The following DPYSL3 variants were observed in gnomAD, a reference collection of about 807,000 sequenced individuals.
DPYSL3 encodes dihydropyrimidinase like 3.
A neutral mutation model predicts 66.1 loss-of-function variants in DPYSL3; 16 were observed. That is an observed-to-expected ratio of 0.24 (90% CI 0.16 to 0.37). DPYSL3 has a LOEUF of 0.37. DPYSL3 is among the 10% of genes least tolerant of loss of function. DPYSL3 has a pLI of 1.00. For synonymous variants in DPYSL3, 338 were observed against 345.1 expected, an observed-to-expected ratio of 0.98 and a Z score of 0.23; for missense variants, 738 against 916.2, an observed-to-expected ratio of 0.81 and a Z score of 2.51.
At chr5:147,458,119 G>A (rs529835135) in intron 1 of DPYSL3, among the ~76,000 whole-genome samples, 4 of 152,298 alleles carry the variant, frequency 2.6e-5, no homozygotes, top group African/African-American at 4.8e-5. Flanking sequence ...TAGGAGCTGT[G>A]TAAAATGAGG....
intron 2 of DPYSL3, among the ~76,000 whole-genome samples, chr5:147,419,209 T>C (rs1053566961): frequency 1.3e-5 from 2 of 152,202 alleles, no homozygotes; most frequent in Non-Finnish European, 2.9e-5. Flanking sequence ...TCACAGCTGA[T>C]GGCAGATTCA....
chr5:147,394,257 A>C (rs1757905728), intron 13 of DPYSL3, 134 bp from the exon 14 acceptor site: 11 of 849,744 alleles, frequency 1.3e-5, no homozygotes, highest in Non-Finnish European at 2.0e-5. Context: ...CCTCCCAAGA[A>C]ACTTCCATTC....
intron 1 of DPYSL3, among the ~76,000 whole-genome samples, chr5:147,437,141 C>T (rs914647224): frequency 1.3e-5 from 2 of 152,172 alleles, no homozygotes; most frequent in African/African-American, 4.8e-5. Context: ...AGAGGCTGTG[C>T]CGTTAATGGT....
Position 147,487,561 on chromosome 5 carries a change from C to G in DPYSL3, c.381+21917G>C, listed in dbSNP as rs376875322. On this transcript the variant is annotated intron_variant, in intron 1 of 13. Coordinates refer to ENST00000343218, the MANE Select transcript of DPYSL3 (RefSeq NM_001197294.2). ...AGTTGGCAAACTATTGTCCATGGGT[C>G]AAATCCAACCCACCACCTGTTTTTT... is the stretch of plus-strand genomic sequence containing the variant. Among the ~76,000 whole-genome samples the G allele has an allele frequency of 1.7e-4, 26 of 152,256 alleles. No homozygotes were observed. The South Asian group carries it at 5.4e-3, about 32-fold the overall frequency.
intron 1 of DPYSL3, among the ~76,000 whole-genome samples, chr5:147,506,182 G>T (rs1581222486): frequency 6.6e-6 from 1 of 152,192 alleles, no homozygotes; most frequent in Non-Finnish European, 1.5e-5. Flanking sequence ...TAAGGTTTAA[G>T]ATTATTATGA....
At chr5:147,502,577 T>C (rs1432945361) in intron 1 of DPYSL3, among the ~76,000 whole-genome samples, 1 of 142,302 alleles carries the variant, frequency 7.0e-6, no homozygotes, top group Non-Finnish European at 1.5e-5. Flanking sequence ...AATGCTTTTT[T>C]TTTTTTTTTT....
chr5:147,460,958 G>C (rs756087989), intron 1 of DPYSL3, among the ~76,000 whole-genome samples: 20 of 152,162 alleles, frequency 1.3e-4, no homozygotes, highest in Non-Finnish European at 2.9e-4. Context: ...ATTGATACAG[G>C]AGATAGAAAG....
intron 1 of DPYSL3, among the ~76,000 whole-genome samples, chr5:147,489,007 C>T (rs1209195074): frequency 6.7e-6 from 1 of 149,584 alleles, no homozygotes; most frequent in Non-Finnish European, 1.5e-5. Flanking sequence ...AAGAGTGAGA[C>T]TTCATCTAAA....
At chr5:147,447,725 C>T (rs1324325103) in intron 1 of DPYSL3, among the ~76,000 whole-genome samples, 1 of 152,148 alleles carries the variant, frequency 6.6e-6, no homozygotes, top group Non-Finnish European at 1.5e-5. Context: ...ACAAAATCAG[C>T]TGGGCATGGT....
chr5:147,428,254 A>G lies in DPYSL3; in HGVS notation c.382-3291T>C, dbSNP rs557877846. On this transcript the variant is annotated intron_variant, in intron 1 of 13. Coordinates refer to ENST00000343218, the MANE Select transcript of DPYSL3 (RefSeq NM_001197294.2). ...AAGAAGAGTTTTCTCCATGGGCTAC[A>G]AATATTAACATTATTAATTTGTTTT... Among the ~76,000 whole-genome samples the G allele has an allele frequency of 3.3e-5, 5 of 152,348 alleles. No homozygotes were observed. In the South Asian group the frequency reaches 1.0e-3, roughly 32 times the overall value.
chr5:147,450,756 G>A (rs1561792928), intron 1 of DPYSL3, among the ~76,000 whole-genome samples: 1 of 152,154 alleles, frequency 6.6e-6, no homozygotes, highest in Non-Finnish European at 1.5e-5. Flanking sequence ...CAAAACAGTG[G>A]TAGAAAGTAG....
chr5:147,497,868 A>G (rs184815947), intron 1 of DPYSL3, among the ~76,000 whole-genome samples: 44 of 152,218 alleles, frequency 2.9e-4, no homozygotes, highest in African/African-American at 1.0e-3. Context: ...CTTTTTCACC[A>G]CAACTTTTCT....
chr5:147,453,847 G>GTTT, intron 1 of DPYSL3: 9 of 733,728 alleles, frequency 1.2e-5, no homozygotes, highest in Non-Finnish European at 1.6e-5. Flanking sequence ...CCCGGGTTTT[G>GTTT]TTTTTTTTTT....
chr5:147,467,277 C>A (rs980366790), intron 1 of DPYSL3, among the ~76,000 whole-genome samples: 1 of 152,098 alleles, frequency 6.6e-6, no homozygotes, highest in African/African-American at 2.4e-5. Flanking sequence ...GGTAGAATAG[C>A]TGAGTGGATA....
intron 1 of DPYSL3, among the ~76,000 whole-genome samples, chr5:147,458,302 C>A (rs1229164898): frequency 6.6e-6 from 1 of 152,160 alleles, no homozygotes. Flanking sequence ...ACAAGAGTGA[C>A]CTTTGGTCGT....
At chr5:147,431,437 G>A (rs1170575282) in intron 1 of DPYSL3, among the ~76,000 whole-genome samples, 1 of 151,922 alleles carries the variant, frequency 6.6e-6, no homozygotes, top group African/African-American at 2.4e-5. Context: ...TGAACAATGG[G>A]GACAATGATA....
At position 147,453,588 on chromosome 5, in the gene DPYSL3, G is replaced by A. The variant is rs766876733; in HGVS notation, c.382-28625C>T. On this transcript the variant is annotated intron_variant, in intron 1 of 13. Coordinates refer to ENST00000343218, the MANE Select transcript of DPYSL3 (RefSeq NM_001197294.2). ...TGTTCTTCTTGCCTTGGTAGGACATGGTGGCGGTGGTGGCTGCAGCGGCTG... is the reference window on the plus strand; with the variant it reads ...TGTTCTTCTTGCCTTGGTAGGACATAGTGGCGGTGGTGGCTGCAGCGGCTG... 2.6e-6 allele frequency: 4 copies of A among 1,536,696 alleles called. No homozygotes were observed. In the African/African-American group the frequency reaches 5.6e-5, roughly 22 times the overall value.
intron 13 of DPYSL3, 36 bp downstream of exon 13, chr5:147,395,523 C>T: frequency 1.3e-6 from 2 of 1,581,628 alleles, no homozygotes; most frequent in Non-Finnish European, 1.7e-6. Context: ...TCCCCTTCCC[C>T]CTTCTCTTAT....
Position 147,458,208 on chromosome 5 carries a change from A to G in DPYSL3, c.382-33245T>C, listed in dbSNP as rs555372506. Among the ~76,000 whole-genome samples, 10 of 152,300 alleles carry G rather than the reference A, an allele frequency of 6.6e-5. No homozygotes were observed. In the South Asian group the frequency reaches 2.1e-3, roughly 32 times the overall value. ...TCACAGGATGAGAGAGGAGGTCGGC[A>G]CAAGATACAGGTCATAAAGACCTTC... On this transcript the variant is annotated intron_variant, in intron 1 of 13. Coordinates refer to ENST00000343218, the MANE Select transcript of DPYSL3 (RefSeq NM_001197294.2).
Sources: allele counts gnomAD v4.1 joint callset (sites outside exome capture counted in the v4.1 genomes callset), GRCh38; gene constraint gnomAD v4.1.1; transcripts MANE v1.5; gene names NCBI Gene and HGNC (gene_info 2026-07-23, HGNC 2026-07-21).